Variants in ZC3H4 observed in about 807,000 individuals in gnomAD.
ZC3H4 encodes the protein zinc finger CCCH domain-containing protein 4.
A neutral mutation model predicts 108.3 loss-of-function variants in ZC3H4; 13 were observed. The ratio of observed to expected loss-of-function variants is 0.12; its 90% confidence interval spans 0.08 to 0.19. The LOEUF is 0.19. ZC3H4 is among the 10% of genes least tolerant of loss of function. The pLI, the probability that ZC3H4 is intolerant of heterozygous loss-of-function variation, is 1.00. For missense variants in ZC3H4, 1,734 were observed against 1,838.8 expected, an observed-to-expected ratio of 0.94 and a Z score of 1.04; for synonymous variants, 917 against 749.6, an observed-to-expected ratio of 1.22 and a Z score of -3.65.
At chr19:47,094,124 G>A (rs1373615250) in intron 3 of ZC3H4, 44 bp from the exon 4 acceptor site, 1 of 1,577,858 alleles carries the variant, frequency 6.3e-7, no homozygotes, top group East Asian at 2.2e-5. Context: ...GCCACAGGCA[G>A]GCCACTCGGG....
Position 47,066,403 on chromosome 19 carries a change from C to A in ZC3H4, c.3865G>T (p.Asp1289Tyr). 1 of 1,572,006 alleles carries A rather than the reference C, an allele frequency of 6.4e-7. No individual in the cohort carries two copies. The highest frequency in any genetic ancestry group is 8.6e-7 in the Non-Finnish European group (1 of 1,161,692). Residue 1289 changes from aspartate (D) to tyrosine (Y), a missense_variant, in exon 15 of 15, where the codon GAT (aspartate) becomes TAT (tyrosine). Around this residue, in one of 9 missense-constraint regions of ZC3H4, gnomAD observed 518 missense variants for 499.6 expected, o/e 1.04. Transcript: ENST00000253048. The part of the protein sequence containing the change: ...EGEQDAASLK[D>Y]VFKGFDPTAS... The stretch of plus-strand genomic sequence containing the variant: ...GTGGGGTCGAAGCCTTTAAAAACAT[C>A]CTTCAGGGATGCCGCATCCTGCTCA...
chr19:47,074,589 A>G (rs73943612), intron 11 of ZC3H4, among the ~76,000 whole-genome samples: 1,705 of 152,314 alleles, frequency 0.011, 23 homozygotes, highest in African/African-American at 0.04. Context: ...CCCAGCATTC[A>G]CTGTCCAGTA....
rs180890292 is a variant in ZC3H4, at chr19:47,112,215, G to T, written c.161+209C>A. 6.0e-4 allele frequency: 715 copies of T among 1,200,150 alleles called. 2 individuals are homozygous for T. The African/African-American group carries it at 0.01, about 17-fold the overall frequency. The allele number at this position is 1,200,150 out of a possible 1,614,324, so 74.3% of individuals were successfully genotyped here. A position where few individuals can be genotyped will look rare whatever the true frequency, so the allele number is the denominator to read the frequency against. ...AGGGAGAGCGGGCGAGCGCCGCGAGGGGGGGGAAACGCATGAGGCCGGGAG... is the reference window on the plus strand; with the variant it reads ...AGGGAGAGCGGGCGAGCGCCGCGAGTGGGGGGAAACGCATGAGGCCGGGAG... On this transcript the variant is annotated intron_variant, in intron 2 of 14. Transcript: ENST00000253048.
In ZC3H4 at chr19:47,112,564, G is replaced by A; in HGVS notation, c.21C>T (p.Thr7=). 2 of 1,059,654 alleles carry A rather than the reference G, an allele frequency of 1.9e-6. No homozygotes were observed. Among genetic ancestry groups the A allele is most frequent in the Non-Finnish European group, 1.2e-6 (1 of 826,012 alleles). The allele number at this position is 1,059,654 out of a possible 1,614,324, so 65.6% of individuals were successfully genotyped here. A position where few individuals can be genotyped will look rare whatever the true frequency, so the allele number is the denominator to read the frequency against. ...GCGACTCTGATGGCGGCGGCGGGGG[G>A]GTCCCGGGCGCGGCCTCCATAGTTC... MEAAPG[T]PPPPPSESPP... Residue 7 remains threonine (T), a synonymous_variant, in exon 2 of 15, where the codon ACC becomes ACT. Transcript: ENST00000253048.
At chr19:47,079,376 T>C (rs968301864) in intron 11 of ZC3H4, among the ~76,000 whole-genome samples, 6 of 151,826 alleles carry the variant, frequency 4.0e-5, no homozygotes, top group Middle Eastern at 3.4e-3. Flanking sequence ...CCTGTTTCTT[T>C]TTACTTTTTT....
intron 2 of ZC3H4, among the ~76,000 whole-genome samples, chr19:47,101,728 G>A (rs1019877548): frequency 1.3e-5 from 2 of 151,928 alleles, no homozygotes; most frequent in South Asian, 4.2e-4. Context: ...AAAATTAGCT[G>A]GGCGTGGTGG....
chr19:47,085,999 C>T (rs191238229), intron 6 of ZC3H4, among the ~76,000 whole-genome samples: 2 of 152,054 alleles, frequency 1.3e-5, no homozygotes, highest in African/African-American at 4.8e-5. Context: ...GCATGAATAG[C>T]TGGGACTACA....
intron 2 of ZC3H4, among the ~76,000 whole-genome samples, chr19:47,099,733 T>G (rs2057876268): frequency 6.7e-6 from 1 of 150,338 alleles, no homozygotes; most frequent in Admixed American, 6.7e-5. Context: ...AAATGAAGCT[T>G]GGCAACATGG....
At chr19:47,102,695 T>G (rs917112428) in intron 2 of ZC3H4, among the ~76,000 whole-genome samples, 1 of 149,868 alleles carries the variant, frequency 6.7e-6, no homozygotes, top group Non-Finnish European at 1.5e-5. Context: ...AAGGAAATGG[T>G]AGCATTTCAA....
intron 13 of ZC3H4, among the ~76,000 whole-genome samples, chr19:47,071,419 A>G (rs2057323561): frequency 6.6e-6 from 1 of 152,180 alleles, no homozygotes; most frequent in Admixed American, 6.5e-5. Context: ...CTCCAAGCCG[A>G]GAACTGCCCG....
intron 3 of ZC3H4, 58 bp from the exon 4 acceptor site, chr19:47,094,138 A>G: frequency 6.5e-7 from 1 of 1,530,014 alleles, no homozygotes; most frequent in African/African-American, 1.4e-5. Flanking sequence ...ACTCGGGCAC[A>G]GTCAGCCTCA....
At chr19:47,112,165 G>T in intron 2 of ZC3H4, 1 of 1,168,998 alleles carries the variant, frequency 8.6e-7, no homozygotes. Context: ...TCAGCATGGC[G>T]CCCAAAAAAG....
At position 47,094,528 on chromosome 19, in the gene ZC3H4, C is replaced by T. The variant is rs2057790648; in HGVS notation, c.242G>A (p.Arg81Lys). Residue 81 changes from arginine (R) to lysine (K), a missense_variant, in exon 3 of 15, where the codon AGA becomes AAA. Physicochemically the swap from Arg to Lys is conservative, Grantham distance 26. Transcript: ENST00000253048. ...ETQDTSGGPERSRKEKGEKHH... is the reference protein window; with the variant it reads ...ETQDTSGGPEKSRKEKGEKHH... ...CTTCTCCCCCTTTTCTTTCCGGCTTCTCTCAGGCCCTCCGGAGGTATCCTG... is the reference window on the plus strand; with the variant it reads ...CTTCTCCCCCTTTTCTTTCCGGCTTTTCTCAGGCCCTCCGGAGGTATCCTG... 6.2e-7 allele frequency: 1 copy of T among 1,614,234 alleles called. No homozygotes were observed.
intron 1 of ZC3H4, chr19:47,113,254 G>C (rs2058063840): frequency 6.5e-6 from 1 of 153,040 alleles, no homozygotes; most frequent in African/African-American, 2.4e-5. Context: ...CCGGCGGAAA[G>C]AGCCGAAGGC....
chr19:47,079,154 C>A (rs1357256101), intron 11 of ZC3H4, among the ~76,000 whole-genome samples: 3 of 150,586 alleles, frequency 2.0e-5, no homozygotes, highest in African/African-American at 4.9e-5. Flanking sequence ...CTCAGCCTCT[C>A]GAGTAGCTGG....
intron 1 of ZC3H4, 87 bp from the exon 2 acceptor site, chr19:47,112,676 T>A: frequency 2.6e-6 from 2 of 773,040 alleles, no homozygotes; most frequent in Non-Finnish European, 3.5e-6. Flanking sequence ...GGGCTCCTGA[T>A]GGGAATGGGG....
At chr19:47,095,732 C>A (rs2057809910) in intron 2 of ZC3H4, among the ~76,000 whole-genome samples, 1 of 152,080 alleles carries the variant, frequency 6.6e-6, no homozygotes, top group Non-Finnish European at 1.5e-5. Flanking sequence ...ACAGTGTTCA[C>A]AAGTACAGGA....
Position 47,086,384 on chromosome 19 carries a change from G to GT in ZC3H4, c.869dup (p.Asp290GlufsTer6). On this transcript the variant is annotated frameshift_variant and splice_region_variant, in exon 6 of 15. Coordinates refer to ENST00000253048, the MANE Select transcript of ZC3H4 (RefSeq NM_015168.2). LOFTEE classifies it high-confidence loss of function. ...TCCCCAGGGCCAGAGGAAACCTTAC[G>GT]TCCATCTCTTCCTCGTAGAAATCCT... The GT allele has an allele frequency of 6.2e-7, 1 of 1,613,380 alleles. No individual in the cohort carries two copies. Among genetic ancestry groups the GT allele is most frequent in the Non-Finnish European group, 8.5e-7 (1 of 1,179,836 alleles).
chr19:47,099,391 G>A (rs1211747178), intron 2 of ZC3H4, among the ~76,000 whole-genome samples: 5 of 151,706 alleles, frequency 3.3e-5, no homozygotes, highest in South Asian at 2.1e-4. Flanking sequence ...CCTGGGAGGC[G>A]GAGGTTGCAG....
Sources: allele counts gnomAD v4.1 joint callset (sites outside exome capture counted in the v4.1 genomes callset), GRCh38; gene constraint gnomAD v4.1.1; regional missense constraint gnomAD v4.1.1; transcripts MANE v1.5; gene names NCBI Gene and HGNC (gene_info 2026-07-23, HGNC 2026-07-21).